FXYD6: variants seen among roughly 807,000 people sequenced by gnomAD.
FXYD6 encodes FXYD domain containing ion transport regulator 6.
A neutral mutation model predicts 16.7 loss-of-function variants in FXYD6; 7 were observed. That is an observed-to-expected ratio of 0.42 (90% CI 0.24 to 0.79). The LOEUF is 0.79. FXYD6 is among the 30% of genes least tolerant of loss of function. The pLI, the probability that FXYD6 is intolerant of heterozygous loss-of-function variation, is 0.28. For synonymous variants in FXYD6, 49 were observed against 43.0 expected, an observed-to-expected ratio of 1.14 and a Z score of -0.54; for missense variants, 111 against 116.2, an observed-to-expected ratio of 0.95 and a Z score of 0.21.
At chr11:117,843,336 T>C (rs889012087) in intron 1 of FXYD6, among the ~76,000 whole-genome samples, 1 of 152,200 alleles carries the variant, frequency 6.6e-6, no homozygotes, top group Non-Finnish European at 1.5e-5. Flanking sequence ...GCCGAGAACC[T>C]GAAGCTTAAT....
At chr11:117,856,564 CT>C (rs2056732821) in intron 1 of FXYD6, among the ~76,000 whole-genome samples, 1 of 152,220 alleles carries the variant, frequency 6.6e-6, no homozygotes, top group South Asian at 2.1e-4. Context: ...GGAATGGGGC[CT>C]TTTATGAGGC....
At chr11:117,855,349 G>C (rs2056700290) in intron 1 of FXYD6, among the ~76,000 whole-genome samples, 1 of 152,156 alleles carries the variant, frequency 6.6e-6, no homozygotes, top group Admixed American at 6.5e-5. Flanking sequence ...CGGGAGCGGG[G>C]AGGAGGGGGG....
At chr11:117,862,377 C>T (rs1310642752) in intron 1 of FXYD6, among the ~76,000 whole-genome samples, 1 of 152,204 alleles carries the variant, frequency 6.6e-6, no homozygotes, top group African/African-American at 2.4e-5. Context: ...CCTGCGTGCC[C>T]CACTCACACA....
At chr11:117,841,080 C>T in intron 5 of FXYD6, 68 bp downstream of exon 5, 1 of 1,597,150 alleles carries the variant, frequency 6.3e-7, no homozygotes, top group South Asian at 1.1e-5. Flanking sequence ...TTGGGGGTCA[C>T]ACACCAGGGG....
At chr11:117,842,590 C>T (rs1002698195) in intron 2 of FXYD6, 129 bp downstream of exon 2, 14 of 913,252 alleles carry the variant, frequency 1.5e-5, no homozygotes, top group Middle Eastern at 6.5e-4. Flanking sequence ...AAGGGAGAGG[C>T]CCCTGACTAG....
intron 1 of FXYD6, among the ~76,000 whole-genome samples, chr11:117,860,477 G>A (rs935703245): frequency 1.3e-5 from 2 of 152,180 alleles, no homozygotes; most frequent in Non-Finnish European, 2.9e-5. Flanking sequence ...ACATATTCGT[G>A]CGCTAGAGAG....
At chr11:117,863,095 T>C (rs1451677275) in intron 1 of FXYD6, among the ~76,000 whole-genome samples, 1 of 152,200 alleles carries the variant, frequency 6.6e-6, no homozygotes, top group African/African-American at 2.4e-5. Context: ...TTTTACAGAT[T>C]AGAAAAGGAG....
At chr11:117,871,199 T>C (rs2057127214) in intron 1 of FXYD6, among the ~76,000 whole-genome samples, 1 of 152,188 alleles carries the variant, frequency 6.6e-6, no homozygotes, top group South Asian at 2.1e-4. Flanking sequence ...GTTTCTAGAC[T>C]CTACCAAAGC....
chr11:117,860,139 G>C (rs2056871627), intron 1 of FXYD6, among the ~76,000 whole-genome samples: 2 of 152,214 alleles, frequency 1.3e-5, no homozygotes, highest in Non-Finnish European at 2.9e-5. Flanking sequence ...CCTGGCTGTT[G>C]GTGGAGGGCA....
chr11:117,858,721 TTCCCTTCCTTCC>T (rs2056822794), intron 1 of FXYD6, among the ~76,000 whole-genome samples: 1 of 88,006 alleles, frequency 1.1e-5, no homozygotes. Context: ...CTCTCCTTCC[TTCCCTTCCTTCC>T]TTCCTTCCTT....
intron 1 of FXYD6, among the ~76,000 whole-genome samples, chr11:117,858,631 TTTTCTTTCTTTCTTTC>T (rs758256700): frequency 0.068 from 7,198 of 105,920 alleles, 513 homozygotes; most frequent in Non-Finnish European, 0.098. Flanking sequence ...TCATTTTCTT[TTTTCTTTCTTTCTTTC>T]TTTCTTTCTT....
chr11:117,874,309 G>A (rs953213466), intron 1 of FXYD6, among the ~76,000 whole-genome samples: 1 of 152,198 alleles, frequency 6.6e-6, no homozygotes, highest in Non-Finnish European at 1.5e-5. Context: ...GGAAGGAAAC[G>A]CTTCCCCCAG....
Position 117,838,223 on chromosome 11 carries a change from T to C in FXYD6, c.*76A>G. 1 of 702,628 alleles carries C rather than the reference T, an allele frequency of 1.4e-6. No homozygotes were observed. The highest frequency in any genetic ancestry group is 1.5e-5 in the South Asian group (1 of 67,594). 43.5% of individuals were successfully genotyped at this position (702,628 alleles called of 1,614,324 possible). A position where few individuals can be genotyped will look rare whatever the true frequency, so the allele number is the denominator to read the frequency against. On this transcript the variant is annotated 3_prime_UTR_variant, in exon 8 of 8. Coordinates refer to ENST00000526014, the MANE Select transcript of FXYD6 (RefSeq NM_022003.4). ...GCTGTTGCTGAAGTGGCCGGTTTTC[T>C]TAAGCATCGACATTTGCATCCAAAG...
Position 117,843,787 on chromosome 11 carries a change from C to G in FXYD6, c.-5-1006G>C, listed in dbSNP as rs548567655. 3 of 152,306 alleles carry G rather than the reference C, an allele frequency of 2.0e-5. No homozygotes were observed. The East Asian group carries it at 5.8e-4, about 29-fold the overall frequency. 9.4% of individuals were successfully genotyped at this position (152,306 alleles called of 1,614,324 possible). A position where few individuals can be genotyped will look rare whatever the true frequency, so the allele number is the denominator to read the frequency against. Reference sequence around the variant, plus strand: ...CCTCAGCACCCCAGCCTCTGCTTCCCCAGAGGATGCGGAGGTCTCTGCTCA... The same window carrying G: ...CCTCAGCACCCCAGCCTCTGCTTCCGCAGAGGATGCGGAGGTCTCTGCTCA... On this transcript the variant is annotated intron_variant, in intron 1 of 7. Transcript: ENST00000526014.
At chr11:117,871,412 G>C (rs988007443) in intron 1 of FXYD6, among the ~76,000 whole-genome samples, 1 of 151,704 alleles carries the variant, frequency 6.6e-6, no homozygotes, top group Non-Finnish European at 1.5e-5. Context: ...GCCAGGCACC[G>C]TGGGGAGAAC....
At chr11:117,849,742 C>T (rs1030098959) in intron 1 of FXYD6, among the ~76,000 whole-genome samples, 9 of 151,976 alleles carry the variant, frequency 5.9e-5, no homozygotes, top group Admixed American at 4.6e-4. Context: ...AGCTGAAGGC[C>T]GTGGTAGCTG....
chr11:117,839,716 C>G, intron 7 of FXYD6, 65 bp downstream of exon 7: 1 of 1,593,524 alleles, frequency 6.3e-7, no homozygotes, highest in Non-Finnish European at 8.6e-7. Flanking sequence ...CGCCTGAACC[C>G]CTGTCCAGGC....
chr11:117,864,645 G>T (rs1348297497), intron 1 of FXYD6, among the ~76,000 whole-genome samples: 1 of 152,020 alleles, frequency 6.6e-6, no homozygotes, highest in African/African-American at 2.4e-5. Flanking sequence ...GGAGTGCAAC[G>T]GCTCAATCTC....
chr11:117,863,477 A>C (rs970419116), intron 1 of FXYD6, among the ~76,000 whole-genome samples: 2 of 140,362 alleles, frequency 1.4e-5, no homozygotes, highest in African/African-American at 5.4e-5. Context: ...CCATAAGTTT[A>C]AAAAAAAAAA....
Sources: allele counts gnomAD v4.1 joint callset (sites outside exome capture counted in the v4.1 genomes callset), GRCh38; gene constraint gnomAD v4.1.1; transcripts MANE v1.5; gene names NCBI Gene and HGNC (gene_info 2026-07-23, HGNC 2026-07-21).